The following GTPBP2 variants were observed in gnomAD, a reference collection of about 807,000 sequenced individuals.
The protein encoded by GTPBP2 is GTP binding protein 2.
In GTPBP2, 32 loss-of-function variants were observed where a neutral mutation model predicts 63.0. That is an observed-to-expected ratio of 0.51 (90% CI 0.38 to 0.68). The LOEUF (loss-of-function observed/expected upper bound fraction) is 0.68. GTPBP2 is among the 30% of genes least tolerant of loss of function. GTPBP2 has a pLI of 0.00. For synonymous variants in GTPBP2, 310 were observed against 322.6 expected (o/e 0.96, Z 0.42); for missense variants, 492 against 796.9 (o/e 0.62, Z 4.61).
Position 43,624,913 on chromosome 6 carries a change from G to A in GTPBP2, c.855C>T (p.Leu285=), listed in dbSNP as rs775068727. Residue 285 remains leucine, a synonymous_variant, in exon 6 of 12, where the codon CTC becomes CTT. Coordinates refer to ENST00000307126, the MANE Select transcript of GTPBP2 (RefSeq NM_019096.5). The surrounding 1 kb of genome is among the most constrained non-coding windows in gnomAD (Gnocchi z 5.1). ...LTSYCPDCAL[L]LVSANTGIAG... is the part of the protein sequence containing the mutation. ...CAATCCCAGTGTTGGCACTGACGAG[G>A]AGCAGGGCGCAGTCGGGGCAGTATG... 6.2e-7 allele frequency: 1 copy of A among 1,614,160 alleles called. No homozygotes were observed. The highest frequency in any genetic ancestry group is 1.1e-5 in the South Asian group (1 of 91,076).
chr6:43,629,647 G>T, upstream of GTPBP2: 2 of 1,283,250 alleles, frequency 1.6e-6, no homozygotes, highest in South Asian at 1.3e-5. Flanking sequence ...TGGCCCTTTA[G>T]CGCGGATCCT....
Position 43,625,027 on chromosome 6 carries a change from C to G in GTPBP2, c.741G>C (p.Glu247Asp), listed in dbSNP as rs748183643. 2 of 1,613,832 alleles carry G rather than the reference C, an allele frequency of 1.2e-6. No homozygotes were observed. Among genetic ancestry groups the G allele is most frequent in the Non-Finnish European group, 1.7e-6 (2 of 1,180,004 alleles). The change falls in exon 6 of 12, where the codon GAG becomes GAC. Residue 247 changes from glutamate to aspartate, a missense_variant. By Grantham distance (45) the Glu-to-Asp change is conservative. Around this residue, in one of 2 missense-constraint regions of GTPBP2, gnomAD observed 400 missense variants for 710.8 expected, o/e 0.56. Coordinates refer to ENST00000307126, the MANE Select transcript of GTPBP2 (RefSeq NM_019096.5). This position sits in a 1 kb window ranked among gnomAD's most constrained non-coding sequence, Gnocchi z 5.1. ...VNYSDSRTAEEICESSSKMIT... is the reference protein window; with the variant it reads ...VNYSDSRTAEDICESSSKMIT... ...TCATCTTGGAGCTGCTCTCACAGAT[C>G]TCTTCTGCTGTCCGTGAGTCGCTGT...
chr6:43,625,101 C>G lies in GTPBP2; in HGVS notation c.706-39G>C. ...CAGGGCCCTCAGTGCCTCCTGCCAG[C>G]CCTTCCAACCCCTTCAGAGTTGCCA... On this transcript the variant is annotated intron_variant, in intron 5 of 11. Coordinates refer to ENST00000307126, the MANE Select transcript of GTPBP2 (RefSeq NM_019096.5). This position sits in a 1 kb window ranked among gnomAD's most constrained non-coding sequence, Gnocchi z 5.1. 1 of 1,585,448 alleles carries G rather than the reference C, an allele frequency of 6.3e-7. No individual in the cohort carries two copies. Among genetic ancestry groups the G allele is most frequent in the Non-Finnish European group, 8.6e-7 (1 of 1,158,866 alleles).
intron 1 of GTPBP2, 66 bp from the exon 2 acceptor site, chr6:43,627,014 C>G: frequency 1.4e-6 from 2 of 1,388,732 alleles, no homozygotes; most frequent in Non-Finnish European, 2.0e-6. Context: ...CCCTCAATTC[C>G]CACTGGGTCC....
rs934437333 is a variant in GTPBP2 at position 43,624,277 on chromosome 6, C to T, written c.1101-209G>A. Among the ~76,000 whole-genome samples, 1 of 152,190 alleles carries T rather than the reference C, an allele frequency of 6.6e-6. No individual in the cohort carries two copies. The highest frequency in any genetic ancestry group is 1.5e-5 in the Non-Finnish European group (1 of 68,040). On this transcript the variant is annotated intron_variant, in intron 7 of 11. Coordinates refer to ENST00000307126, the MANE Select transcript of GTPBP2 (RefSeq NM_019096.5). The surrounding 1 kb of genome is among the most constrained non-coding windows in gnomAD (Gnocchi z 5.1). The stretch of plus-strand genomic sequence containing the variant: ...CCGAGCCCAAGGGAAACAGCAAATG[C>T]CTGGTATAGCACTTCATCGCCATGG...
In GTPBP2 at chr6:43,626,263, G is replaced by A; in HGVS notation, c.361C>T (p.Arg121Ter). 1.9e-6 allele frequency: 3 copies of A among 1,614,148 alleles called. No individual in the cohort carries two copies. Among genetic ancestry groups the A allele is most frequent in the Non-Finnish European group, 2.5e-6 (3 of 1,180,000 alleles). The change falls in exon 3 of 12, where the codon CGA (arginine) becomes TGA (stop). Residue 121 changes from arginine to a stop codon, truncating the protein, a stop_gained. Transcript: ENST00000307126. LOFTEE classifies it high-confidence loss of function. This position sits in a 1 kb window ranked among gnomAD's most constrained non-coding sequence, Gnocchi z 4.0. ...CGGTGCAGGGTCTTGAGCGAAGCTC[G>A]CATTTCCTCCTCAGCCAGCCCCACC... Reference protein sequence around the residue: ...LLVGLAEEEMRASLKTLHRMA... With the variant: ...LLVGLAEEEM
At position 43,624,671 on chromosome 6, in the gene GTPBP2, G is replaced by A. The variant is rs1387724727; in HGVS notation, c.939C>T (p.Ile313=). The change falls in exon 7 of 12, where the codon ATC becomes ATT. Residue 313 remains isoleucine, a synonymous_variant. Coordinates refer to ENST00000307126, the MANE Select transcript of GTPBP2 (RefSeq NM_019096.5). This position sits in a 1 kb window ranked among gnomAD's most constrained non-coding sequence, Gnocchi z 5.1. ...LALALKVPFF[I]VVSKIDLCAK... ...CACATAGGTCGATCTTGCTGACCAC[G>A]ATGAAGAAGGGCACTTTCAGGGCCA... 5.6e-6 allele frequency: 9 copies of A among 1,614,024 alleles called. No individual in the cohort carries two copies. The highest frequency in any genetic ancestry group is 1.3e-5 in the African/African-American group (1 of 74,912).
In GTPBP2 at chr6:43,625,904, C is replaced by T; in HGVS notation, c.399-40G>A. On this transcript the variant is annotated intron_variant, in intron 3 of 11. Transcript: ENST00000307126. This position sits in a 1 kb window ranked among gnomAD's most constrained non-coding sequence, Gnocchi z 5.1. Reference sequence around the variant, plus strand: ...CCACAGCTGCCATATCTCACCTGTCCTTCTCCTATTCCAGGCTCGCTCTGG... The same window carrying T: ...CCACAGCTGCCATATCTCACCTGTCTTTCTCCTATTCCAGGCTCGCTCTGG... The T allele has an allele frequency of 6.7e-7, 1 of 1,496,204 alleles. No individual in the cohort carries two copies. Among genetic ancestry groups the T allele is most frequent in the Non-Finnish European group, 9.3e-7 (1 of 1,072,534 alleles). 92.7% of individuals were successfully genotyped at this position (1,496,204 alleles called of 1,614,324 possible). A position where few individuals can be genotyped will look rare whatever the true frequency, so the allele number is the denominator to read the frequency against.
Position 43,621,559 on chromosome 6 carries a change from G to T in GTPBP2, c.*55C>A, listed in dbSNP as rs770725037. ...CGCCAATGGCAGGGCAGCATGGCCA[G>T]AAGTCACCTTATATATTGTAGGGAC... On this transcript the variant is annotated 3_prime_UTR_variant, in exon 12 of 12. Transcript: ENST00000307126. 6.2e-7 allele frequency: 1 copy of T among 1,613,376 alleles called. No individual in the cohort carries two copies. Among genetic ancestry groups the T allele is most frequent in the Admixed American group, 1.7e-5 (1 of 59,884 alleles).
chr6:43,629,185 G>T lies in GTPBP2; in HGVS notation c.-23C>A. ...CATCCGCCGCTGCCGCCAGCCCCCC[G>T]CCCGGCCCCTCCCCCGACCGCCGCC... On this transcript the variant is annotated 5_prime_UTR_variant, in exon 1 of 12. Coordinates refer to ENST00000307126, the MANE Select transcript of GTPBP2 (RefSeq NM_019096.5). 2 of 653,540 alleles carry T rather than the reference G, an allele frequency of 3.1e-6. No individual in the cohort carries two copies. Among genetic ancestry groups the T allele is most frequent in the Non-Finnish European group, 4.0e-6 (2 of 505,692 alleles). 40.5% of individuals were successfully genotyped at this position (653,540 alleles called of 1,614,324 possible). A position where few individuals can be genotyped will look rare whatever the true frequency, so the allele number is the denominator to read the frequency against.
Position 43,626,190 on chromosome 6 carries a change from A to C in GTPBP2, c.398+36T>G. On this transcript the variant is annotated intron_variant, in intron 3 of 11. Coordinates refer to ENST00000307126, the MANE Select transcript of GTPBP2 (RefSeq NM_019096.5). This position sits in a 1 kb window ranked among gnomAD's most constrained non-coding sequence, Gnocchi z 4.0. ...GGGTATGCATGGGTCCCCCCAAGTC[A>C]GGTAAAGGAGAACTGGTGGGGAAGG... The C allele has an allele frequency of 6.3e-7, 1 of 1,589,850 alleles. No individual in the cohort carries two copies. Among genetic ancestry groups the C allele is most frequent in the Non-Finnish European group, 8.6e-7 (1 of 1,160,400 alleles).
At chr6:43,631,167 GCTGA>G (rs1423641467), upstream of GTPBP2, among the ~76,000 whole-genome samples, 1 of 152,170 alleles carries the variant, frequency 6.6e-6, no homozygotes, top group African/African-American at 2.4e-5. Flanking sequence ...AAAGGGCCTA[GCTGA>G]CCATAGGCCA....
intron 1 of GTPBP2, chr6:43,628,473 T>A: frequency 2.8e-6 from 1 of 358,336 alleles, no homozygotes; most frequent in African/African-American, 5.7e-5. Flanking sequence ...GCTTAGGCTG[T>A]GTGTGTGTGT....
rs749777300 is a variant in GTPBP2, at chr6:43,625,864, C to T, written c.399G>A (p.Lys133=). The T allele has an allele frequency of 1.2e-6, 2 of 1,611,436 alleles. No individual in the cohort carries two copies. The highest frequency in any genetic ancestry group is 1.7e-5 in the Admixed American group (1 of 60,002). The part of the protein sequence containing the change: ...SLKTLHRMAE[K]VGADITVLRE... ...GAAGAACGGTTATGTCTGCCCCAAC[C>T]CTGTCACAGCAAGGCCACAGCTGCC... The change falls in exon 4 of 12, where the codon AAG becomes AAA. Residue 133 remains lysine, a splice_region_variant and synonymous_variant. Transcript: ENST00000307126. This position sits in a 1 kb window ranked among gnomAD's most constrained non-coding sequence, Gnocchi z 5.1.
chr6:43,623,714 G>T, intron 9 of GTPBP2, 23 bp downstream of exon 9: 1 of 1,576,954 alleles, frequency 6.3e-7, no homozygotes, highest in Non-Finnish European at 8.7e-7. Context: ...TGAGTGGGGA[G>T]GGTAGCAAGC....
Position 43,624,426 on chromosome 6 carries a change from A to C in GTPBP2, c.1100+84T>G. 3.0e-6 allele frequency: 3 copies of C among 1,006,846 alleles called. No homozygotes were observed. Among genetic ancestry groups the C allele is most frequent in the Non-Finnish European group, 4.6e-6 (3 of 652,548 alleles). The allele number at this position is 1,006,846 out of a possible 1,614,324, so 62.4% of individuals were successfully genotyped here. ...TAAGCCAGAACTGGTCTGGCCCTGG[A>C]GAAGTAGGATATCATGCTTCTGGGC... On this transcript the variant is annotated intron_variant, in intron 7 of 11. Coordinates refer to ENST00000307126, the MANE Select transcript of GTPBP2 (RefSeq NM_019096.5). The surrounding 1 kb of genome is among the most constrained non-coding windows in gnomAD (Gnocchi z 5.1).
intron 9 of GTPBP2, chr6:43,623,389 CAAAA>C (rs1040120710): frequency 2.7e-5 from 7 of 258,734 alleles, no homozygotes; most frequent in African/African-American, 1.6e-4. Context: ...GACTCTGTCT[CAAAA>C]AAAAGAAAGA....
rs894942496 is a variant in GTPBP2, at chr6:43,622,296, T to C, written c.1468-129A>G. 6 of 757,428 alleles carry C rather than the reference T, an allele frequency of 7.9e-6. No individual in the cohort carries two copies. In the African/African-American group the frequency reaches 1.1e-4, roughly 13 times the overall value. The allele number at this position is 757,428 out of a possible 1,614,324, so 46.9% of individuals were successfully genotyped here. A position where few individuals can be genotyped will look rare whatever the true frequency, so the allele number is the denominator to read the frequency against. ...CTACACAACTCTAAACACAAAGACCTCAAAAGACAATAATCAAAACTCTCA... is the reference window on the plus strand; with the variant it reads ...CTACACAACTCTAAACACAAAGACCCCAAAAGACAATAATCAAAACTCTCA... On this transcript the variant is annotated intron_variant, in intron 10 of 11. Transcript: ENST00000307126. This position sits in a 1 kb window ranked among gnomAD's most constrained non-coding sequence, Gnocchi z 5.4.
chr6:43,625,321 C>T lies in GTPBP2; in HGVS notation c.705+42G>A. ...ATGTCCTTCACTACTACCATCCCAT[C>T]CTCAGAGTCTGGCCCCATTGGGTCC... is the stretch of plus-strand genomic sequence containing the variant. On this transcript the variant is annotated intron_variant, in intron 5 of 11. Transcript: ENST00000307126. This position sits in a 1 kb window ranked among gnomAD's most constrained non-coding sequence, Gnocchi z 5.1. The T allele has an allele frequency of 1.3e-6, 2 of 1,566,562 alleles. No individual in the cohort carries two copies. The highest frequency in any genetic ancestry group is 2.2e-5 in the East Asian group (1 of 44,666).
Sources: allele counts gnomAD v4.1 joint callset (sites outside exome capture counted in the v4.1 genomes callset), GRCh38; gene constraint gnomAD v4.1.1; regional missense constraint gnomAD v4.1.1; non-coding constraint Gnocchi (gnomAD v3.1); transcripts MANE v1.5; gene names NCBI Gene and HGNC (gene_info 2026-07-23, HGNC 2026-07-21).